The following KLHL29 variants were observed in gnomAD, a reference collection of about 807,000 sequenced individuals.
The protein encoded by KLHL29 is kelch-like protein 29.
A neutral mutation model predicts 80.4 loss-of-function variants in KLHL29; 21 were observed. The observed-to-expected ratio is 0.26, with a 90% CI of 0.19 to 0.38. The LOEUF is 0.38. KLHL29 is among the 10% of genes least tolerant of loss of function. KLHL29 has a pLI of 1.00. For synonymous variants in KLHL29, 511 were observed against 526.8 expected, an observed-to-expected ratio of 0.97 and a Z score of 0.41; for missense variants, 867 against 1,223.9, an observed-to-expected ratio of 0.71 and a Z score of 4.35.
intron 2 of KLHL29, among the ~76,000 whole-genome samples, chr2:23,528,107 CT>C (rs1666381322): frequency 6.6e-6 from 1 of 152,174 alleles, no homozygotes. Flanking sequence ...TAATTTTAGT[CT>C]TTCTTTTTGG....
chr2:23,588,829 C>T (rs1047541277), intron 3 of KLHL29, among the ~76,000 whole-genome samples: 1 of 152,296 alleles, frequency 6.6e-6, no homozygotes, highest in African/African-American at 2.4e-5. Context: ...CCACCAGCCC[C>T]CGGAAGACAA....
At chr2:23,490,803 C>A (rs1028989921) in intron 2 of KLHL29, among the ~76,000 whole-genome samples, 5 of 152,152 alleles carry the variant, frequency 3.3e-5, no homozygotes, top group African/African-American at 4.8e-5. Context: ...CAACCTAAAC[C>A]CCCCCATGCC....
intron 3 of KLHL29, among the ~76,000 whole-genome samples, chr2:23,591,157 A>G (rs1668249563): frequency 6.6e-6 from 1 of 152,134 alleles, no homozygotes. Flanking sequence ...AGGGGCAGCC[A>G]TGTGGGTATC....
At chr2:23,458,467 G>A (rs901918746) in intron 1 of KLHL29, among the ~76,000 whole-genome samples, 3 of 152,220 alleles carry the variant, frequency 2.0e-5, no homozygotes, top group Non-Finnish European at 4.4e-5. Context: ...ACAGGCTATC[G>A]CGTGCTGGCC....
At chr2:23,426,367 C>G (rs1663004516) in intron 1 of KLHL29, among the ~76,000 whole-genome samples, 1 of 152,182 alleles carries the variant, frequency 6.6e-6, no homozygotes, top group African/African-American at 2.4e-5. Flanking sequence ...CCAGGGCTCC[C>G]CTGCCAAGTG....
chr2:23,687,017 A>G (rs1438591560), intron 6 of KLHL29, among the ~76,000 whole-genome samples: 1 of 152,084 alleles, frequency 6.6e-6, no homozygotes, highest in East Asian at 1.9e-4. Flanking sequence ...TTGGTGGTCA[A>G]GAGAGAAGCT....
chr2:23,656,420 T>A (rs1489538438), intron 5 of KLHL29, among the ~76,000 whole-genome samples: 1 of 152,114 alleles, frequency 6.6e-6, no homozygotes, highest in Non-Finnish European at 1.5e-5. Context: ...GCACTGCAGC[T>A]CCCAGGAGCA....
chr2:23,632,841 G>T (rs1171024380), intron 3 of KLHL29, among the ~76,000 whole-genome samples: 1 of 152,374 alleles, frequency 6.6e-6, no homozygotes, highest in Admixed American at 6.5e-5. Context: ...ACTCGGAGCA[G>T]TGCTGGCCTC....
intron 2 of KLHL29, among the ~76,000 whole-genome samples, chr2:23,480,055 C>T (rs1664744038): frequency 6.6e-6 from 1 of 152,238 alleles, no homozygotes. Flanking sequence ...CCTTCTGAGC[C>T]TCAGTCTTCT....
At chr2:23,606,122 G>T (rs866961605) in intron 3 of KLHL29, among the ~76,000 whole-genome samples, 4 of 151,766 alleles carry the variant, frequency 2.6e-5, no homozygotes, top group Middle Eastern at 3.4e-3. Context: ...TCAGGTGGGG[G>T]GATCATTCCG....
chr2:23,539,099 A>G (rs1666759547), intron 2 of KLHL29, among the ~76,000 whole-genome samples: 1 of 152,192 alleles, frequency 6.6e-6, no homozygotes, highest in East Asian at 1.9e-4. Flanking sequence ...GCAACTGCCA[A>G]ACTCTAAAAT....
At chr2:23,512,113 G>A (rs59344944) in intron 2 of KLHL29, among the ~76,000 whole-genome samples, 15,144 of 152,124 alleles carry the variant, frequency 0.1, 808 homozygotes, top group Non-Finnish European at 0.11. Flanking sequence ...CTCAGCAAAT[G>A]ACCTAACTTC....
At chr2:23,436,978 A>T (rs1441000042) in intron 1 of KLHL29, among the ~76,000 whole-genome samples, 2 of 152,194 alleles carry the variant, frequency 1.3e-5, no homozygotes, top group African/African-American at 4.8e-5. Flanking sequence ...GAAAACACAA[A>T]TTCCCACACA....
intron 3 of KLHL29, among the ~76,000 whole-genome samples, chr2:23,586,420 C>T (rs998210696): frequency 1.5e-5 from 2 of 134,766 alleles, no homozygotes; most frequent in Non-Finnish European, 3.0e-5. Context: ...AGTGCAATAG[C>T]GTGGTCTCAG....
chr2:23,679,572 G>T (rs1214885109), intron 5 of KLHL29, among the ~76,000 whole-genome samples: 1 of 144,440 alleles, frequency 6.9e-6, no homozygotes. Flanking sequence ...ACCTCTTGAC[G>T]GGGGAAGCTA....
At chr2:23,561,449 T>C (rs1667444766) in intron 2 of KLHL29, among the ~76,000 whole-genome samples, 1 of 152,152 alleles carries the variant, frequency 6.6e-6, no homozygotes, top group South Asian at 2.1e-4. Context: ...TCCGGGTCTC[T>C]GATGCCGCCC....
At chr2:23,659,159 A>G (rs1670331556) in intron 5 of KLHL29, among the ~76,000 whole-genome samples, 1 of 152,174 alleles carries the variant, frequency 6.6e-6, no homozygotes, top group Non-Finnish European at 1.5e-5. Flanking sequence ...GAAAATTGTC[A>G]TAACGAAGGA....
chr2:23,418,194 C>T (rs1662653695), intron 1 of KLHL29, among the ~76,000 whole-genome samples: 1 of 152,230 alleles, frequency 6.6e-6, no homozygotes, highest in African/African-American at 2.4e-5. Context: ...CCTTGTGCTT[C>T]CACCTGCCCT....
rs901132127 is a variant in KLHL29, at chr2:23,631,476, T to C, written c.286-7663T>C. ...GCCAGAAGTGTCTCAATTTAACACA[T>C]CATTGGTTAGTATTATTAGAAATTT... is the stretch of plus-strand genomic sequence containing the variant. On this transcript the variant is annotated intron_variant, in intron 3 of 13. Transcript: ENST00000486442. 3.3e-5 allele frequency among the ~76,000 whole-genome samples: 5 copies of C among 152,000 alleles called. No homozygotes were observed. The South Asian group carries it at 1.0e-3, about 32-fold the overall frequency.
Sources: allele counts gnomAD v4.1 joint callset (sites outside exome capture counted in the v4.1 genomes callset), GRCh38; gene constraint gnomAD v4.1.1; transcripts MANE v1.5; gene names NCBI Gene and HGNC (gene_info 2026-07-23, HGNC 2026-07-21).